The following ATP2C1 variants were observed in gnomAD, a reference collection of about 807,000 sequenced individuals.
ATP2C1 encodes the protein calcium-transporting ATPase type 2C member 1.
A neutral mutation model predicts 120.5 loss-of-function variants in ATP2C1; 31 were observed. That is an observed-to-expected ratio of 0.26 (90% confidence interval 0.19 to 0.35). The LOEUF is 0.35. Among genes scored for constraint, ATP2C1 ranks in the 10% least tolerant of loss-of-function variants. The probability of loss-of-function intolerance (pLI) is 1.00; values close to 1 mark genes in which losing one functional copy is unlikely to be tolerated. For synonymous variants in ATP2C1, 351 were observed against 358.7 expected (o/e 0.98, Z 0.24); for missense variants, 731 against 1,107.5 (o/e 0.66, Z 4.83).
intron 11 of ATP2C1, among the ~76,000 whole-genome samples, chr3:130,958,999 G>A (rs1015664940): frequency 2.0e-5 from 3 of 152,084 alleles, no homozygotes; most frequent in Non-Finnish European, 4.4e-5. Context: ...TTAAGGGATG[G>A]TAGGAGCAGT....
intron 24 of ATP2C1, among the ~76,000 whole-genome samples, chr3:130,997,101 G>T (rs1238111582): frequency 6.6e-6 from 1 of 152,038 alleles, no homozygotes; most frequent in East Asian, 1.9e-4. Flanking sequence ...GTATAATGGA[G>T]AAATTTCTGG....
chr3:130,901,449 A>T (rs1339068910), intron 2 of ATP2C1, among the ~76,000 whole-genome samples: 1 of 152,068 alleles, frequency 6.6e-6, no homozygotes, highest in Non-Finnish European at 1.5e-5. Context: ...ATATTAGAGT[A>T]ATGGGAATGA....
intron 2 of ATP2C1, among the ~76,000 whole-genome samples, chr3:130,907,492 T>C (rs1462298365): frequency 6.6e-6 from 1 of 152,092 alleles, no homozygotes; most frequent in Non-Finnish European, 1.5e-5. Context: ...GCATAGAATA[T>C]CCAGTTATCC....
At chr3:130,900,407 T>G (rs2057764074) in intron 2 of ATP2C1, among the ~76,000 whole-genome samples, 1 of 152,144 alleles carries the variant, frequency 6.6e-6, no homozygotes, top group Non-Finnish European at 1.5e-5. Flanking sequence ...GAGATATTGA[T>G]GCATCCTTAT....
chr3:131,005,338 G>A (rs1001770137), downstream of ATP2C1, among the ~76,000 whole-genome samples: 5 of 151,976 alleles, frequency 3.3e-5, no homozygotes, highest in Non-Finnish European at 4.4e-5. Flanking sequence ...GGCTGGTCTC[G>A]AACTCCTAAG....
At chr3:130,945,394 T>G (rs2760275) in intron 8 of ATP2C1, among the ~76,000 whole-genome samples, 150 of 152,282 alleles carry the variant, frequency 9.9e-4, no homozygotes, top group Middle Eastern at 3.4e-3. Context: ...TACTTTGTTT[T>G]AGGGTACATG....
Position 130,956,277 on chromosome 3 carries a change from T to C in ATP2C1, c.832+98T>C, listed in dbSNP as rs1158478967. 4.3e-6 allele frequency: 3 copies of C among 695,100 alleles called. No individual in the cohort carries two copies. In the African/African-American group the frequency reaches 5.5e-5, roughly 13 times the overall value. 43.1% of individuals were successfully genotyped at this position (695,100 alleles called of 1,614,324 possible). On this transcript the variant is annotated intron_variant, in intron 11 of 27. Transcript: ENST00000510168. Reference sequence around the variant, plus strand: ...TAGTTTTATTTATTGGCTTTTCTTTTTTTTATTAAGTTTAATACTTTTTAA... The same window carrying C: ...TAGTTTTATTTATTGGCTTTTCTTTCTTTTATTAAGTTTAATACTTTTTAA...
intron 1 of ATP2C1, among the ~76,000 whole-genome samples, chr3:130,878,108 G>C (rs1328193933): frequency 7.3e-6 from 1 of 136,160 alleles, no homozygotes; most frequent in African/African-American, 2.8e-5. Context: ...TGGACACAGA[G>C]TGGGGAACAT....
chr3:130,891,535 G>T (rs1318178856), upstream of ATP2C1, among the ~76,000 whole-genome samples: 1 of 152,192 alleles, frequency 6.6e-6, no homozygotes, highest in African/African-American at 2.4e-5. Context: ...GACAAAAGGA[G>T]AGTAGAAAGA....
chr3:130,968,588 G>T (rs572671352), intron 16 of ATP2C1, among the ~76,000 whole-genome samples: 59 of 152,270 alleles, frequency 3.9e-4, no homozygotes, highest in Non-Finnish European at 7.5e-4. Flanking sequence ...GGCCAAACTG[G>T]ATGAAATGAA....
intron 2 of ATP2C1, chr3:130,928,080 C>T (rs2059294542): frequency 6.6e-6 from 1 of 152,392 alleles, no homozygotes; most frequent in African/African-American, 2.4e-5. Context: ...TACCTACATG[C>T]CTTATCACTC....
At chr3:130,879,472 T>A (rs983909104) in intron 1 of ATP2C1, among the ~76,000 whole-genome samples, 17 of 152,364 alleles carry the variant, frequency 1.1e-4, no homozygotes, top group African/African-American at 3.1e-4. Context: ...TTATCTGTAT[T>A]TGTTTGCATT....
chr3:130,938,558 C>T (rs958092837), intron 6 of ATP2C1, among the ~76,000 whole-genome samples: 2 of 152,160 alleles, frequency 1.3e-5, no homozygotes, highest in African/African-American at 2.4e-5. Flanking sequence ...GGAATCAGAT[C>T]ATTTGCAGTA....
chr3:130,917,983 T>C (rs1024714696), intron 2 of ATP2C1, among the ~76,000 whole-genome samples: 2 of 152,242 alleles, frequency 1.3e-5, no homozygotes, highest in African/African-American at 4.8e-5. Context: ...TTCTTTTTTT[T>C]TTCAAGCTGA....
At chr3:130,873,860 C>T (rs958026385) in intron 1 of ATP2C1, among the ~76,000 whole-genome samples, 5 of 152,074 alleles carry the variant, frequency 3.3e-5, no homozygotes, top group Middle Eastern at 3.4e-3. Flanking sequence ...CCCTGTAATC[C>T]CAGCACTTTG....
chr3:130,941,266 CTGTGTG>C (rs1262857877), intron 7 of ATP2C1, among the ~76,000 whole-genome samples: 1 of 79,832 alleles, frequency 1.3e-5, no homozygotes, highest in South Asian at 4.1e-4. Flanking sequence ...GTGTGTGTGT[CTGTGTG>C]TGTGCGCGCA....
At chr3:130,851,055 C>A in intron 1 of ATP2C1, 1 of 440,652 alleles carries the variant, frequency 2.3e-6, no homozygotes, top group Non-Finnish European at 3.7e-6. Flanking sequence ...CTGCTTGTGG[C>A]TGTTCAGACT....
At chr3:130,896,654 G>A (rs2069656974) in intron 2 of ATP2C1, among the ~76,000 whole-genome samples, 1 of 152,184 alleles carries the variant, frequency 6.6e-6, no homozygotes, top group Non-Finnish European at 1.5e-5. Context: ...ATTTGGAGGT[G>A]TGAAACAAAA....
chr3:130,954,963 G>C (rs776497592), intron 9 of ATP2C1, 49 bp from the exon 10 acceptor site: 1 of 1,372,980 alleles, frequency 7.3e-7, no homozygotes, highest in Admixed American at 1.7e-5. Context: ...ATGTGTTTTG[G>C]TTTACATTTC....
Sources: gnomAD v4.1 joint callset for allele counts (sites outside exome capture counted in the v4.1 genomes callset) on GRCh38, gnomAD v4.1.1 for gene constraint, MANE v1.5 for transcripts, NCBI Gene and HGNC (gene_info 2026-07-23, HGNC 2026-07-21) for gene names.